The following TOX2 variants were observed in gnomAD, a reference collection of about 807,000 sequenced individuals.
TOX2 encodes granulosa cell HMG box 1.
TOX2 carries 15 observed loss-of-function variants against 47.4 expected under a neutral mutation model. That is an observed-to-expected ratio of 0.32 (90% confidence interval 0.21 to 0.49). The LOEUF (loss-of-function observed/expected upper bound fraction) is 0.49. TOX2 is among the 20% of genes least tolerant of loss of function. The probability of loss-of-function intolerance (pLI) is 0.99; values close to 1 mark genes in which losing one functional copy is unlikely to be tolerated. For missense variants in TOX2, 622 were observed against 673.1 expected (o/e 0.92, Z 0.84); for synonymous variants, 290 against 296.6 (o/e 0.98, Z 0.23).
rs189801659 is a variant in TOX2 at position 43,918,077 on chromosome 20, T to C, written c.99+3087T>C. 9.3e-4 allele frequency among the ~76,000 whole-genome samples: 142 copies of C among 152,302 alleles called. 1 individual carries two copies. Among genetic ancestry groups the C allele is most frequent in the African/African-American group, 3.3e-3 (139 of 41,564 alleles). On this transcript the variant is annotated intron_variant, in intron 1 of 8. Coordinates refer to ENST00000341197, the MANE Select transcript of TOX2 (RefSeq NM_001098797.2). ...TCCCAGCAGGACACTTGTTTGGCTT[T>C]TTTGCAAGTCTCTGTCATGGTTCAG...
chr20:43,945,246 A>G (rs996548410), intron 1 of TOX2, among the ~76,000 whole-genome samples: 10 of 152,220 alleles, frequency 6.6e-5, no homozygotes, highest in Non-Finnish European at 1.2e-4. Context: ...TTTATAGTGC[A>G]TGTTCAAACA....
At chr20:44,057,147 T>C (rs983409484) in intron 5 of TOX2, among the ~76,000 whole-genome samples, 7 of 152,150 alleles carry the variant, frequency 4.6e-5, no homozygotes, top group African/African-American at 1.2e-4. Context: ...TGACAAACTC[T>C]TAGCCTCAAA....
intron 1 of TOX2, among the ~76,000 whole-genome samples, chr20:43,971,801 G>A (rs1001453376): frequency 3.3e-5 from 5 of 152,224 alleles, no homozygotes; most frequent in African/African-American, 1.2e-4. Context: ...TTTCTAAGAT[G>A]TGTTGCTAAG....
intron 2 of TOX2, among the ~76,000 whole-genome samples, chr20:43,992,217 G>T (rs1357762364): frequency 6.6e-6 from 1 of 152,216 alleles, no homozygotes; most frequent in Non-Finnish European, 1.5e-5. Flanking sequence ...TGGAGTGGAG[G>T]CAGTGAGGTG....
At chr20:43,932,569 G>C (rs1027072053) in intron 1 of TOX2, among the ~76,000 whole-genome samples, 5 of 152,200 alleles carry the variant, frequency 3.3e-5, no homozygotes, top group African/African-American at 4.8e-5. Flanking sequence ...AGCTTTGCAG[G>C]GTGCCTCCTG....
In TOX2 at chr20:43,927,458, A is replaced by AACACACACAC. The variant is rs34410581; in HGVS notation, c.99+12512_99+12521dup. ...GTGTACATTTTCTGATGATCTATAT[A>AACACACACAC]ACACACACACACACACACACACACA... On this transcript the variant is annotated intron_variant, in intron 1 of 8. Coordinates refer to ENST00000341197, the MANE Select transcript of TOX2 (RefSeq NM_001098797.2). 7.2e-3 allele frequency among the ~76,000 whole-genome samples: 943 copies of AACACACACAC among 131,446 alleles called. 16 individuals are homozygous for AACACACACAC. The highest frequency in any genetic ancestry group is 0.012 in the Non-Finnish European group (721 of 60,746). The allele number at this position is 131,446 out of a possible 152,430, so 86.2% of individuals were successfully genotyped here. A position where few individuals can be genotyped will look rare whatever the true frequency, so the allele number is the denominator to read the frequency against.
chr20:44,014,549 C>G (rs909526678), intron 3 of TOX2, among the ~76,000 whole-genome samples: 3 of 152,032 alleles, frequency 2.0e-5, no homozygotes, highest in African/African-American at 7.2e-5. Context: ...AAGTTCAAAC[C>G]CCAGCTCCCC....
At chr20:44,045,803 A>T (rs536180703) in intron 3 of TOX2, among the ~76,000 whole-genome samples, 1 of 152,356 alleles carries the variant, frequency 6.6e-6, no homozygotes, top group Non-Finnish European at 1.5e-5. Context: ...AAAAATATTA[A>T]ATCACCAAGT....
Position 44,051,326 on chromosome 20 carries a change from G to A in TOX2, c.432G>A (p.Ser144=), listed in dbSNP as rs755207008. The change falls in exon 4 of 9, where the codon TCG becomes TCA. Residue 144 remains serine (S), a synonymous_variant. Coordinates refer to ENST00000341197, the MANE Select transcript of TOX2 (RefSeq NM_001098797.2). ...QLPTIQEMVH[S]EVAAYDSGRP... ...CTTAGATCCAGGAGATGGTCCACTC[G>A]GAAGTGGCTGCCTATGACTCGGGCC... The A allele has an allele frequency of 2.4e-5, 38 of 1,611,510 alleles. No individual in the cohort carries two copies. The highest frequency in any genetic ancestry group is 4.5e-5 in the East Asian group (2 of 44,776).
intron 1 of TOX2, among the ~76,000 whole-genome samples, chr20:43,934,130 A>G (rs1269528728): frequency 7.9e-6 from 1 of 126,818 alleles, no homozygotes; most frequent in Non-Finnish European, 1.7e-5. Context: ...TCAGAGCCCA[A>G]GGTAAGGAGA....
At chr20:43,957,854 G>A (rs1270809101) in intron 1 of TOX2, among the ~76,000 whole-genome samples, 1 of 152,144 alleles carries the variant, frequency 6.6e-6, no homozygotes, top group Non-Finnish European at 1.5e-5. Flanking sequence ...CACATGGCCA[G>A]CAGGAGAGAC....
intron 3 of TOX2, among the ~76,000 whole-genome samples, chr20:44,021,467 C>T (rs1185925250): frequency 6.6e-6 from 1 of 152,146 alleles, no homozygotes; most frequent in Non-Finnish European, 1.5e-5. Flanking sequence ...CTTTGGGAGC[C>T]CCAGACCTGA....
chr20:43,940,683 G>C (rs1266772928), intron 1 of TOX2, among the ~76,000 whole-genome samples: 1 of 152,082 alleles, frequency 6.6e-6, no homozygotes, highest in Non-Finnish European at 1.5e-5. Flanking sequence ...AGAGGATGAG[G>C]CAGCTATCAG....
chr20:44,021,348 C>T (rs1363870427), intron 3 of TOX2, among the ~76,000 whole-genome samples: 4 of 152,112 alleles, frequency 2.6e-5, no homozygotes, highest in Non-Finnish European at 5.9e-5. Context: ...ACTGGACCTT[C>T]GTCAGAAGCA....
At chr20:44,041,722 G>A (rs1050571619) in intron 3 of TOX2, among the ~76,000 whole-genome samples, 3 of 152,186 alleles carry the variant, frequency 2.0e-5, no homozygotes, top group African/African-American at 7.2e-5. Context: ...ACAGAGACTT[G>A]ACATCCTTCC....
intron 1 of TOX2, among the ~76,000 whole-genome samples, chr20:43,966,026 C>T (rs1000959526): frequency 6.6e-6 from 1 of 152,170 alleles, no homozygotes; most frequent in Non-Finnish European, 1.5e-5. Flanking sequence ...TAATAGGTAA[C>T]ATTTATTAAG....
intron 1 of TOX2, chr20:43,945,749 G>T (rs2069458271): frequency 1.9e-6 from 2 of 1,043,324 alleles, no homozygotes; most frequent in East Asian, 2.7e-5. Context: ...ATAGGAGATG[G>T]ATTTTGATAA....
At chr20:43,985,146 C>T (rs538046603) in intron 2 of TOX2, among the ~76,000 whole-genome samples, 2 of 152,320 alleles carry the variant, frequency 1.3e-5, no homozygotes, top group South Asian at 2.1e-4. Flanking sequence ...CCTGTGTCCC[C>T]TCAGACTGGT....
At chr20:43,945,925 C>A (rs780972898) in intron 1 of TOX2, 1 of 1,613,334 alleles carries the variant, frequency 6.2e-7, no homozygotes, top group South Asian at 1.1e-5. Context: ...GCAGCAGACT[C>A]GCACAGAGGC....
Sources: gnomAD v4.1 joint callset for allele counts (sites outside exome capture counted in the v4.1 genomes callset) on GRCh38, gnomAD v4.1.1 for gene constraint, MANE v1.5 for transcripts, NCBI Gene and HGNC (gene_info 2026-07-23, HGNC 2026-07-21) for gene names.